MSH3: variants seen among roughly 807,000 people sequenced by gnomAD.
MSH3 encodes mutS homolog 3, also known as DNA mismatch repair protein Msh3.
A neutral mutation model predicts 123.3 loss-of-function variants in MSH3; 106 were observed. The ratio of observed to expected loss-of-function variants is 0.86; its 90% CI spans 0.73 to 1.01. The LOEUF is 1.01. MSH3 is among the 50% of genes least tolerant of loss of function. The probability of loss-of-function intolerance (pLI) is 0.00; values close to 1 mark genes in which losing one functional copy is unlikely to be tolerated. For missense variants in MSH3, 1,459 were observed against 1,347.6 expected (o/e 1.08, Z -1.29); for synonymous variants, 515 against 481.4 (o/e 1.07, Z -0.91).
At chr5:80,765,956 G>A (rs1744115184) in intron 13 of MSH3, among the ~76,000 whole-genome samples, 1 of 152,036 alleles carries the variant, frequency 6.6e-6, no homozygotes, top group Admixed American at 6.6e-5. Context: ...TAAAATTCTA[G>A]GTTTTAGATG....
intron 12 of MSH3, among the ~76,000 whole-genome samples, chr5:80,749,622 G>T (rs568280237): frequency 6.6e-6 from 1 of 151,636 alleles, no homozygotes; most frequent in Non-Finnish European, 1.5e-5. Flanking sequence ...ATATTCATGG[G>T]GTACAATGTG....
At chr5:80,788,749 G>C (rs1744557812) in intron 18 of MSH3, among the ~76,000 whole-genome samples, 1 of 150,362 alleles carries the variant, frequency 6.7e-6, no homozygotes, top group East Asian at 2.0e-4. Flanking sequence ...GCTGCAGTGA[G>C]CCATGATAGT....
chr5:80,861,718 T>C (rs1279576056), intron 21 of MSH3, among the ~76,000 whole-genome samples: 1 of 152,170 alleles, frequency 6.6e-6, no homozygotes, highest in Admixed American at 6.5e-5. Context: ...TCAGACTTGT[T>C]GACACTGAGC....
chr5:80,778,770 G>A lies in MSH3; in HGVS notation c.2369G>A (p.Arg790Lys). Reference protein sequence around the residue: ...FHSPFIVENYRHLNQLREQLV... With the variant: ...FHSPFIVENYKHLNQLREQLV... Reference sequence around the variant, plus strand: ...TCTCCTTTTATTGTAGAAAATTACAGACATCTGAATCAGCTCCGGGAGCAG... The same window carrying A: ...TCTCCTTTTATTGTAGAAAATTACAAACATCTGAATCAGCTCCGGGAGCAG... Residue 790 changes from arginine to lysine, a missense_variant, in exon 17 of 24, where the codon AGA becomes AAA. Physicochemically the swap from Arg to Lys is conservative, Grantham distance 26 (BLOSUM62 2). Transcript: ENST00000265081. 2.5e-6 allele frequency: 4 copies of A among 1,613,460 alleles called. No individual in the cohort carries two copies. Among genetic ancestry groups the A allele is most frequent in the Non-Finnish European group, 3.4e-6 (4 of 1,179,436 alleles).
At chr5:80,813,985 AC>A (rs1236420282) in intron 20 of MSH3, among the ~76,000 whole-genome samples, 1 of 151,874 alleles carries the variant, frequency 6.6e-6, no homozygotes, top group Admixed American at 6.6e-5. Context: ...ACATGGCAAA[AC>A]CCCATCTTGA....
rs1749670388 is a variant in MSH3 at position 80,670,112 on chromosome 5, G to T, written c.595G>T (p.Asp199Tyr). The T allele has an allele frequency of 6.2e-7, 1 of 1,613,966 alleles. No individual in the cohort carries two copies. Among genetic ancestry groups the T allele is most frequent in the South Asian group, 1.1e-5 (1 of 91,062 alleles). ...QINQKDTTLF[D>Y]LSQFGSSNTS... ...TGGTTGCCAGGACACAACACTTTTTGATCTCAGTCAGTTTGGATCATCAAA... is the reference window on the plus strand; with the variant it reads ...TGGTTGCCAGGACACAACACTTTTTTATCTCAGTCAGTTTGGATCATCAAA... Residue 199 changes from aspartate to tyrosine, a missense_variant, in exon 4 of 24, where the codon GAT becomes TAT. By Grantham distance (160) the Asp-to-Tyr change is radical (BLOSUM62 -3). Coordinates refer to ENST00000265081, the MANE Select transcript of MSH3 (RefSeq NM_002439.5).
intron 8 of MSH3, among the ~76,000 whole-genome samples, chr5:80,706,066 C>G (rs952860231): frequency 6.6e-6 from 1 of 152,138 alleles, no homozygotes; most frequent in East Asian, 1.9e-4. Flanking sequence ...AAGGAAATAC[C>G]TTTTGGCTGA....
chr5:80,680,482 A>G (rs185549878), intron 8 of MSH3, among the ~76,000 whole-genome samples: 3 of 151,974 alleles, frequency 2.0e-5, no homozygotes, highest in Admixed American at 2.0e-4. Flanking sequence ...TGACTGTTAA[A>G]CATTTTGGCA....
rs746233320 is a variant in MSH3, at chr5:80,768,878, C to T, written c.2128C>T (p.Pro710Ser). The change falls in exon 15 of 24, where the codon CCT (proline) becomes TCT (serine). Residue 710 changes from proline to serine, a missense_variant. Physicochemically the swap from Pro to Ser is moderately conservative, Grantham distance 74. Coordinates refer to ENST00000265081, the MANE Select transcript of MSH3 (RefSeq NM_002439.5). ...ATTATTTAAAGACCTTTCTGACTTC[C>T]CTTTAATAAAAAAGAGGAAGGATGA... ...TELFKDLSDF[P>S]LIKKRKDEIQ... 6.2e-7 allele frequency: 1 copy of T among 1,611,172 alleles called. No homozygotes were observed. Among genetic ancestry groups the T allele is most frequent in the Non-Finnish European group, 8.5e-7 (1 of 1,177,966 alleles).
chr5:80,790,405 A>G (rs1417412088), intron 18 of MSH3, among the ~76,000 whole-genome samples: 1 of 152,134 alleles, frequency 6.6e-6, no homozygotes, highest in African/African-American at 2.4e-5. Flanking sequence ...TCTGTCTTAC[A>G]CTTACCATGT....
At chr5:80,673,762 A>G (rs777865819) in intron 6 of MSH3, among the ~76,000 whole-genome samples, 1 of 152,204 alleles carries the variant, frequency 6.6e-6, no homozygotes, top group African/African-American at 2.4e-5. Flanking sequence ...ACGGTCATTT[A>G]TAAATGCAGT....
At chr5:80,793,917 C>A (rs1744651011) in intron 19 of MSH3, among the ~76,000 whole-genome samples, 1 of 152,090 alleles carries the variant, frequency 6.6e-6, no homozygotes. Context: ...CAGTAATACT[C>A]CTGCATAGGG....
chr5:80,789,780 C>G (rs1232800389), intron 18 of MSH3, among the ~76,000 whole-genome samples: 1 of 151,980 alleles, frequency 6.6e-6, no homozygotes, highest in Non-Finnish European at 1.5e-5. Context: ...TGAGTAAGTT[C>G]AGAAATGTGG....
At chr5:80,845,226 G>T (rs1745699711) in intron 20 of MSH3, among the ~76,000 whole-genome samples, 1 of 152,090 alleles carries the variant, frequency 6.6e-6, no homozygotes, top group Non-Finnish European at 1.5e-5. Context: ...TTGAATATTG[G>T]CCCCCACTCT....
intron 7 of MSH3, among the ~76,000 whole-genome samples, chr5:80,676,124 A>G (rs1006961726): frequency 2.0e-5 from 3 of 152,084 alleles, no homozygotes; most frequent in East Asian, 3.9e-4. Context: ...TCTGCCTCCT[A>G]GGTTCAAGCA....
intron 10 of MSH3, among the ~76,000 whole-genome samples, chr5:80,739,063 G>A (rs1041914844): frequency 3.3e-5 from 5 of 152,180 alleles, no homozygotes; most frequent in Admixed American, 2.6e-4. Context: ...CCATTCTGAG[G>A]TATTCTGTTA....
chr5:80,832,702 G>A (rs1011877109), intron 20 of MSH3, among the ~76,000 whole-genome samples: 4 of 151,486 alleles, frequency 2.6e-5, no homozygotes, highest in African/African-American at 9.7e-5. Context: ...GTGTACCTAA[G>A]AAATGCTAAA....
rs182107919 is a variant in MSH3 at position 80,843,796 on chromosome 5, T to C, written c.2814-10334T>C. Among the ~76,000 whole-genome samples the C allele has an allele frequency of 4.6e-5, 7 of 152,246 alleles. No homozygotes were observed. In the East Asian group the frequency reaches 9.6e-4, roughly 21 times the overall value. On this transcript the variant is annotated intron_variant, in intron 20 of 23. Transcript: ENST00000265081. ...TGCGTCTATCTGATTCTTCTCTCTT[T>C]TGTTCGTTATTAGTCTTGCTAGCAG...
chr5:80,755,593 A>G (rs910122744), intron 12 of MSH3, among the ~76,000 whole-genome samples: 3 of 152,192 alleles, frequency 2.0e-5, no homozygotes, highest in Non-Finnish European at 2.9e-5. Flanking sequence ...ATCAAGCATA[A>G]CAAACATCCC....
Sources: gnomAD v4.1 joint callset for allele counts (sites outside exome capture counted in the v4.1 genomes callset) on GRCh38, gnomAD v4.1.1 for gene constraint, MANE v1.5 for transcripts, NCBI Gene and HGNC (gene_info 2026-07-23, HGNC 2026-07-21) for gene names.